The following CWC27 variants were observed in gnomAD, a reference collection of about 807,000 sequenced individuals.
CWC27 encodes the protein spliceosome-associated protein CWC27 homolog.
In CWC27, 47 loss-of-function variants were observed where a neutral mutation model predicts 63.6. The ratio of observed to expected loss-of-function variants is 0.74; its 90% CI spans 0.58 to 0.94. CWC27 has a LOEUF of 0.94. Ranked by LOEUF, CWC27 falls within the 40% of genes least tolerant of loss-of-function variation. The pLI, the probability that CWC27 is intolerant of heterozygous loss-of-function variation, is 0.00. For missense variants in CWC27, 495 were observed against 554.3 expected (o/e 0.89, Z 1.07); for synonymous variants, 175 against 179.8 (o/e 0.97, Z 0.22).
chr5:64,983,798 C>T (rs1375884667), intron 13 of CWC27, among the ~76,000 whole-genome samples: 1 of 152,142 alleles, frequency 6.6e-6, no homozygotes, highest in East Asian at 1.9e-4. Context: ...TTTTTTCTCA[C>T]ACAAAGTAGT....
chr5:64,802,267 G>A lies in CWC27; in HGVS notation c.780+935G>A, dbSNP rs529095397. On this transcript the variant is annotated intron_variant, in intron 9 of 13. Coordinates refer to ENST00000381070, the MANE Select transcript of CWC27 (RefSeq NM_005869.4). ...AGAGCAAGGAAGAAGAGTATTGAAG[G>A]TAAGGGGAACTGCATATACAAAATG... Among the ~76,000 whole-genome samples, 399 of 152,296 alleles carry A rather than the reference G, an allele frequency of 2.6e-3. 3 individuals are homozygous for A. Among genetic ancestry groups the A allele is most frequent in the Non-Finnish European group, 4.3e-3 (290 of 68,022 alleles).
intron 11 of CWC27, among the ~76,000 whole-genome samples, chr5:64,905,594 G>T (rs1043322805): frequency 4.6e-5 from 7 of 152,090 alleles, no homozygotes; most frequent in African/African-American, 1.7e-4. Flanking sequence ...ACAAATTTTT[G>T]AGGGTGAATG....
At chr5:64,859,476 C>T (rs1444513237) in intron 10 of CWC27, among the ~76,000 whole-genome samples, 1 of 152,052 alleles carries the variant, frequency 6.6e-6, no homozygotes, top group African/African-American at 2.4e-5. Flanking sequence ...AGCAGCAAAA[C>T]CTGATTAGAA....
chr5:64,940,886 G>A (rs1231095873), intron 11 of CWC27, among the ~76,000 whole-genome samples: 3 of 107,082 alleles, frequency 2.8e-5, no homozygotes, highest in African/African-American at 3.6e-5. Context: ...TTACTTTGTC[G>A]CCCCGGCTGG....
intron 12 of CWC27, among the ~76,000 whole-genome samples, chr5:64,974,254 T>A (rs898480409): frequency 6.6e-6 from 1 of 151,506 alleles, no homozygotes; most frequent in African/African-American, 2.4e-5. Context: ...AAAAAAATGA[T>A]AGGGTTTACT....
chr5:64,840,863 AG>A (rs1459033327), intron 10 of CWC27, among the ~76,000 whole-genome samples: 1 of 152,146 alleles, frequency 6.6e-6, no homozygotes, highest in African/African-American at 2.4e-5. Context: ...GCCAGGGGTA[AG>A]GGGACTGGAT....
chr5:64,773,424 A>G (rs1244091680), intron 1 of CWC27, among the ~76,000 whole-genome samples: 1 of 152,220 alleles, frequency 6.6e-6, no homozygotes, highest in East Asian at 1.9e-4. Context: ...ACAGACAGAA[A>G]GTAGATTAGT....
intron 11 of CWC27, among the ~76,000 whole-genome samples, chr5:64,968,872 A>G (rs1031135314): frequency 1.4e-4 from 21 of 152,156 alleles, no homozygotes; most frequent in African/African-American, 4.1e-4. Flanking sequence ...TAAAAATTCT[A>G]TCATTTCATG....
chr5:64,815,322 G>C (rs1744995790), intron 10 of CWC27, among the ~76,000 whole-genome samples: 1 of 152,130 alleles, frequency 6.6e-6, no homozygotes, highest in African/African-American at 2.4e-5. Flanking sequence ...TTCTAGGCCT[G>C]GGATGAAGGA....
intron 2 of CWC27, among the ~76,000 whole-genome samples, chr5:64,779,794 A>G (rs551205521): frequency 2.0e-5 from 3 of 152,182 alleles, no homozygotes; most frequent in Admixed American, 6.5e-5. Flanking sequence ...TGATTGGATC[A>G]TAGGGGCATT....
rs1491100566 is a variant in CWC27, at chr5:64,867,939, G to GC, written c.939-17504_939-17503insC. On this transcript the variant is annotated intron_variant, in intron 10 of 13. Coordinates refer to ENST00000381070, the MANE Select transcript of CWC27 (RefSeq NM_005869.4). Reference sequence around the variant, plus strand: ...TTTGTTGTCAATCTTTGTTGTGTTTGGGGGGGGGGCTGTTGTTGTTGTTGT... The same window carrying GC: ...TTTGTTGTCAATCTTTGTTGTGTTTGCGGGGGGGGGCTGTTGTTGTTGTTGT... 6.5e-3 allele frequency among the ~76,000 whole-genome samples: 336 copies of GC among 52,048 alleles called. 3 individuals are homozygous for GC. The highest frequency in any genetic ancestry group is 0.035 in the African/African-American group (321 of 9,292). The allele number at this position is 52,048 out of a possible 152,430, so 34.1% of individuals were successfully genotyped here.
At chr5:64,828,506 C>G (rs933123582) in intron 10 of CWC27, among the ~76,000 whole-genome samples, 6 of 151,964 alleles carry the variant, frequency 3.9e-5, no homozygotes, top group African/African-American at 1.5e-4. Flanking sequence ...CTAGTGAGTG[C>G]TCACTTCCTT....
At chr5:64,866,003 G>A (rs539132126) in intron 10 of CWC27, among the ~76,000 whole-genome samples, 2 of 152,102 alleles carry the variant, frequency 1.3e-5, no homozygotes, top group South Asian at 2.1e-4. Flanking sequence ...TTTAACCAAA[G>A]CATATTAGAA....
At chr5:64,864,070 A>G (rs1412223696) in intron 10 of CWC27, among the ~76,000 whole-genome samples, 1 of 152,208 alleles carries the variant, frequency 6.6e-6, no homozygotes, top group Non-Finnish European at 1.5e-5. Flanking sequence ...AAAAGCCTGC[A>G]TAATTCTTAT....
chr5:64,905,657 G>T (rs1007026210), intron 11 of CWC27, among the ~76,000 whole-genome samples: 1 of 151,912 alleles, frequency 6.6e-6, no homozygotes, highest in Non-Finnish European at 1.5e-5. Context: ...AAAGAACATT[G>T]GTCTAGATGT....
At chr5:64,808,242 T>C (rs1580625877) in intron 10 of CWC27, 3 of 999,798 alleles carry the variant, frequency 3.0e-6, no homozygotes, top group Non-Finnish European at 3.6e-6. Flanking sequence ...GAAGCAGTCC[T>C]GTAGAATATT....
At chr5:65,008,311 C>A (rs564043383) in intron 13 of CWC27, among the ~76,000 whole-genome samples, 1 of 152,122 alleles carries the variant, frequency 6.6e-6, no homozygotes, top group Non-Finnish European at 1.5e-5. Context: ...TTAAAAAATA[C>A]ACAAATTTTG....
chr5:64,970,251 C>A (rs1205749453), intron 11 of CWC27, among the ~76,000 whole-genome samples: 1 of 147,014 alleles, frequency 6.8e-6, no homozygotes, highest in Admixed American at 6.8e-5. Context: ...CTCGCTCTGT[C>A]GCCCAGGCTG....
intron 11 of CWC27, among the ~76,000 whole-genome samples, chr5:64,970,360 C>G (rs969237139): frequency 2.6e-5 from 4 of 151,930 alleles, no homozygotes; most frequent in East Asian, 1.9e-4. Flanking sequence ...CTACAGGCGC[C>G]CGCCACCACG....
Sources: gnomAD v4.1 joint callset for allele counts (sites outside exome capture counted in the v4.1 genomes callset) on GRCh38, gnomAD v4.1.1 for gene constraint, MANE v1.5 for transcripts, NCBI Gene and HGNC (gene_info 2026-07-23, HGNC 2026-07-21) for gene names.